Variants in SOX6 observed in about 807,000 individuals in gnomAD.
SOX6 encodes the protein SRY-box transcription factor 6.
A neutral mutation model predicts 97.8 loss-of-function variants in SOX6; 11 were observed. The ratio of observed to expected loss-of-function variants is 0.11; its 90% CI spans 0.07 to 0.19. The LOEUF (loss-of-function observed/expected upper bound fraction) is 0.19, where lower values mean the gene tolerates loss of function less well. SOX6 is among the 10% of genes least tolerant of loss of function. The probability of loss-of-function intolerance (pLI) is 1.00; values close to 1 mark genes in which losing one functional copy is unlikely to be tolerated. For missense variants in SOX6, 810 were observed against 1,039.5 expected (o/e 0.78, Z 3.04); for synonymous variants, 360 against 371.4 (o/e 0.97, Z 0.35).
At chr11:16,137,092 G>T (rs1396599043) in intron 6 of SOX6, among the ~76,000 whole-genome samples, 3 of 152,128 alleles carry the variant, frequency 2.0e-5, no homozygotes, top group Admixed American at 2.0e-4. Context: ...AATCTAATCT[G>T]AACTTTCTGT....
intron 4 of SOX6, among the ~76,000 whole-genome samples, chr11:16,199,446 A>G (rs1851874812): frequency 6.6e-6 from 1 of 152,198 alleles, no homozygotes; most frequent in South Asian, 2.1e-4. Flanking sequence ...ACAGCTTGTT[A>G]GCTTGTAATC....
chr11:16,608,228 G>C (rs1848358284), intron 4 of SOX6, among the ~76,000 whole-genome samples: 1 of 152,046 alleles, frequency 6.6e-6, no homozygotes, highest in Admixed American at 6.6e-5. Flanking sequence ...AAAAAAAGGA[G>C]CAAACTGGAG....
At chr11:16,376,828 C>T (rs887884999) in intron 1 of SOX6, among the ~76,000 whole-genome samples, 4 of 150,750 alleles carry the variant, frequency 2.7e-5, no homozygotes, top group Non-Finnish European at 5.9e-5. Flanking sequence ...AACTGACAAG[C>T]GTATATTTTT....
At chr11:16,735,782 G>A (rs1848386598) in intron 2 of SOX6, among the ~76,000 whole-genome samples, 1 of 152,104 alleles carries the variant, frequency 6.6e-6, no homozygotes, top group Non-Finnish European at 1.5e-5. Context: ...ATGGTACATG[G>A]TGGGTATTTA....
At chr11:15,975,913 G>A (rs1220669637) in intron 15 of SOX6, among the ~76,000 whole-genome samples, 1 of 152,150 alleles carries the variant, frequency 6.6e-6, no homozygotes, top group African/African-American at 2.4e-5. Flanking sequence ...CTTTAAGCTG[G>A]TAATGGAATG....
Position 16,583,616 on chromosome 11 carries a change from T to TATATAC in SOX6, n.609+28464_609+28465insGTATAT, listed in dbSNP as rs1554976101. ...ATGTATATATGTGTATATATATACA[T>TATATAC]ATATATATATATATATATATACACA... On this transcript the variant is annotated intron_variant and non_coding_transcript_variant, in intron 4 of 5. Coordinates refer to the SOX6 transcript ENST00000524520. Among the ~76,000 whole-genome samples the TATATAC allele has an allele frequency of 8.6e-3, 451 of 52,448 alleles. 7 individuals carry two copies. Among genetic ancestry groups the TATATAC allele is most frequent in the African/African-American group, 0.018 (226 of 12,388 alleles). 34.4% of individuals were successfully genotyped at this position (52,448 alleles called of 152,430 possible). A position where few individuals can be genotyped will look rare whatever the true frequency, so the allele number is the denominator to read the frequency against.
intron 6 of SOX6, among the ~76,000 whole-genome samples, chr11:16,182,001 AT>A (rs1180578417): frequency 6.6e-6 from 1 of 151,760 alleles, no homozygotes; most frequent in African/African-American, 2.4e-5. Flanking sequence ...TTTCAAATTG[AT>A]GTTTCCAAAT....
At chr11:16,037,691 G>A (rs558981008) in intron 12 of SOX6, among the ~76,000 whole-genome samples, 47 of 152,160 alleles carry the variant, frequency 3.1e-4, no homozygotes, top group Admixed American at 3.0e-3. Flanking sequence ...CTGAAGCCCC[G>A]GTCACTCTGA....
intron 3 of SOX6, among the ~76,000 whole-genome samples, chr11:16,675,011 T>C (rs943860804): frequency 3.3e-5 from 5 of 152,314 alleles, no homozygotes; most frequent in African/African-American, 1.2e-4. Flanking sequence ...ATTATCCTTG[T>C]CTGCTGACAT....
intron 2 of SOX6, among the ~76,000 whole-genome samples, chr11:16,725,695 TTCTC>T (rs896046413): frequency 4.6e-5 from 7 of 152,074 alleles, no homozygotes; most frequent in African/African-American, 1.4e-4. Context: ...GTTTCTTTTT[TTCTC>T]TCTCTATTTT....
At chr11:16,298,335 T>C (rs1489886638) in intron 3 of SOX6, among the ~76,000 whole-genome samples, 1 of 152,138 alleles carries the variant, frequency 6.6e-6, no homozygotes, top group Non-Finnish European at 1.5e-5. Context: ...TTTAAACCTT[T>C]GGCTTAAAAT....
chr11:15,978,277 A>T (rs1471967378), intron 15 of SOX6, among the ~76,000 whole-genome samples: 1 of 151,912 alleles, frequency 6.6e-6, no homozygotes, highest in Non-Finnish European at 1.5e-5. Flanking sequence ...CTTCTACTCA[A>T]TTCTTTCTTA....
chr11:15,979,012 T>C (rs1321162692), intron 15 of SOX6, among the ~76,000 whole-genome samples: 2 of 134,656 alleles, frequency 1.5e-5, no homozygotes, highest in African/African-American at 2.8e-5. Flanking sequence ...TTATTTTATA[T>C]ATATAACTGC....
chr11:16,125,853 AGG>A (rs1360191610), intron 6 of SOX6, among the ~76,000 whole-genome samples: 6 of 151,560 alleles, frequency 4.0e-5, no homozygotes, highest in South Asian at 4.2e-4. Context: ...GAAGGAAGGA[AGG>A]AAGGAAGGAA....
intron 1 of SOX6, among the ~76,000 whole-genome samples, chr11:16,341,548 T>C (rs1181989563): frequency 1.3e-5 from 2 of 152,096 alleles, no homozygotes; most frequent in African/African-American, 2.4e-5. Context: ...GTGTATATTT[T>C]TCCTCCTAGT....
At chr11:16,280,624 T>C (rs1223675448) in intron 3 of SOX6, among the ~76,000 whole-genome samples, 1 of 152,038 alleles carries the variant, frequency 6.6e-6, no homozygotes, top group African/African-American at 2.4e-5. Context: ...AACAAAACAA[T>C]GACTTCTTAA....
intron 15 of SOX6, among the ~76,000 whole-genome samples, chr11:15,973,566 A>T (rs1853379228): frequency 6.6e-6 from 1 of 152,226 alleles, no homozygotes; most frequent in South Asian, 2.1e-4. Flanking sequence ...AAATGTATAA[A>T]TCAAGATGAG....
intron 4 of SOX6, among the ~76,000 whole-genome samples, chr11:16,568,780 T>C (rs2133197361): frequency 6.6e-6 from 1 of 152,284 alleles, no homozygotes; most frequent in South Asian, 2.1e-4. Flanking sequence ...CATAAAAATA[T>C]TCATAACATT....
intron 2 of SOX6, among the ~76,000 whole-genome samples, chr11:16,726,467 T>C (rs772478331): frequency 2.0e-5 from 3 of 152,208 alleles, no homozygotes; most frequent in Non-Finnish European, 4.4e-5. Flanking sequence ...ACTCTGTGAC[T>C]ACATTAAAAA....
Sources: allele counts gnomAD v4.1 joint callset (sites outside exome capture counted in the v4.1 genomes callset), GRCh38; gene constraint gnomAD v4.1.1; transcripts MANE v1.5; gene names NCBI Gene and HGNC (gene_info 2026-07-23, HGNC 2026-07-21).